The following KCND3 variants were observed in gnomAD, a reference collection of about 807,000 sequenced individuals.
KCND3 encodes the protein potassium voltage-gated channel subfamily D member 3.
Under a neutral mutation model 51.1 loss-of-function variants are expected in KCND3, and 9 were observed. The ratio of observed to expected loss-of-function variants is 0.18; its 90% CI spans 0.11 to 0.31. The LOEUF (loss-of-function observed/expected upper bound fraction) is 0.31, where lower values mean the gene tolerates loss of function less well. Among genes scored for constraint, KCND3 ranks in the 10% least tolerant of loss-of-function variants. The pLI is 1.00. For synonymous variants in KCND3, 349 were observed against 368.0 expected, an observed-to-expected ratio of 0.95 and a Z score of 0.59; for missense variants, 526 against 903.8, an observed-to-expected ratio of 0.58 and a Z score of 5.36.
chr1:111,827,519 G>A (rs1666631398), intron 2 of KCND3, among the ~76,000 whole-genome samples: 1 of 152,194 alleles, frequency 6.6e-6, no homozygotes, highest in Non-Finnish European at 1.5e-5. Context: ...ATTCCAATGA[G>A]GGCCAGGAGC....
chr1:111,856,462 A>T (rs1470183816), intron 2 of KCND3, among the ~76,000 whole-genome samples: 1 of 152,198 alleles, frequency 6.6e-6, no homozygotes, highest in Non-Finnish European at 1.5e-5. Context: ...TGCAATAAGC[A>T]CAACCTGAAT....
At chr1:111,894,939 G>A (rs1670025209) in intron 2 of KCND3, among the ~76,000 whole-genome samples, 1 of 151,778 alleles carries the variant, frequency 6.6e-6, no homozygotes, top group Non-Finnish European at 1.5e-5. Context: ...AGGGAGAAGA[G>A]GAGGAAGAAA....
At chr1:111,822,201 T>C (rs1369581001) in intron 2 of KCND3, among the ~76,000 whole-genome samples, 1 of 152,202 alleles carries the variant, frequency 6.6e-6, no homozygotes, top group African/African-American at 2.4e-5. Flanking sequence ...GTTTGTCGTG[T>C]AAGCAATTTT....
chr1:111,842,989 G>A (rs1667395101), intron 2 of KCND3, among the ~76,000 whole-genome samples: 1 of 152,224 alleles, frequency 6.6e-6, no homozygotes, highest in African/African-American at 2.4e-5. Flanking sequence ...TTACAGGCAT[G>A]AGTTCCACCC....
chr1:111,775,819 A>AACCCCCCCCGCCCCCCCCCCCCCC lies in KCND3; in HGVS notation c.*257_*258insGGGGGGGGGGGGGGCGGGGGGGGT. ...GCCTATATCCCCCGGCCTATCCCCG[A>AACCCCCCCCGCCCCCCCCCCCCCC]CCCCCCCACCCTCCCTCCCTTCCTC... On this transcript the variant is annotated 3_prime_UTR_variant, in exon 8 of 8. Transcript: ENST00000302127. 1.0e-5 allele frequency: 1 copy of AACCCCCCCCGCCCCCCCCCCCCCC among 97,706 alleles called. No individual in the cohort carries two copies. Among genetic ancestry groups the AACCCCCCCCGCCCCCCCCCCCCCC allele is most frequent in the Non-Finnish European group, 2.0e-5 (1 of 51,262 alleles). 6.1% of individuals were successfully genotyped at this position (97,706 alleles called of 1,614,324 possible). A position where few individuals can be genotyped will look rare whatever the true frequency, so the allele number is the denominator to read the frequency against.
intron 2 of KCND3, among the ~76,000 whole-genome samples, chr1:111,938,695 T>G (rs1012324517): frequency 6.6e-6 from 1 of 152,110 alleles, no homozygotes; most frequent in African/African-American, 2.4e-5. Context: ...GCAAAGGCCC[T>G]GAGGCAGGAA....
chr1:111,857,518 G>A (rs935441911), intron 2 of KCND3, among the ~76,000 whole-genome samples: 1 of 152,176 alleles, frequency 6.6e-6, no homozygotes. Flanking sequence ...CTTATGGGGG[G>A]TGTTGGCAAC....
intron 2 of KCND3, among the ~76,000 whole-genome samples, chr1:111,809,925 T>C (rs1166510866): frequency 6.6e-6 from 1 of 152,160 alleles, no homozygotes; most frequent in South Asian, 2.1e-4. Flanking sequence ...CATTCACTGA[T>C]TGGTATTTGG....
chr1:111,785,032 T>G (rs948621973), intron 3 of KCND3, among the ~76,000 whole-genome samples: 14 of 152,024 alleles, frequency 9.2e-5, no homozygotes, highest in Admixed American at 2.6e-4. Context: ...CTGGGCAACA[T>G]AGTGAGACCC....
chr1:111,836,253 A>G (rs1419612400), intron 2 of KCND3, among the ~76,000 whole-genome samples: 1 of 152,186 alleles, frequency 6.6e-6, no homozygotes, highest in African/African-American at 2.4e-5. Flanking sequence ...GGAACTGGGC[A>G]CTGCCAGTTT....
chr1:111,948,970 T>A (rs948081374), intron 2 of KCND3, among the ~76,000 whole-genome samples: 2 of 152,140 alleles, frequency 1.3e-5, no homozygotes, highest in Non-Finnish European at 2.9e-5. Flanking sequence ...TGGGGGCCAA[T>A]GCCATATTCC....
At chr1:111,806,789 A>G (rs1665591504) in intron 2 of KCND3, among the ~76,000 whole-genome samples, 2 of 152,214 alleles carry the variant, frequency 1.3e-5, no homozygotes, top group African/African-American at 2.4e-5. Flanking sequence ...AAAAAAGTTA[A>G]TCCAGAAGCA....
chr1:111,790,600 A>G (rs764185679), intron 2 of KCND3, among the ~76,000 whole-genome samples: 12 of 152,168 alleles, frequency 7.9e-5, no homozygotes, highest in Non-Finnish European at 1.3e-4. Flanking sequence ...ATAAAATCCA[A>G]CCATTTAAAT....
chr1:111,871,841 G>A (rs1220260783), intron 2 of KCND3, among the ~76,000 whole-genome samples: 1 of 152,166 alleles, frequency 6.6e-6, no homozygotes, highest in African/African-American at 2.4e-5. Context: ...GACAGCAGGA[G>A]GAGAGAGCAG....
chr1:111,888,197 G>A (rs1388648834), intron 2 of KCND3, among the ~76,000 whole-genome samples: 2 of 152,266 alleles, frequency 1.3e-5, no homozygotes, highest in Non-Finnish European at 2.9e-5. Context: ...GGGCAGCAGA[G>A]CATTGCCCTC....
At chr1:111,979,834 A>AATG (rs1389192481) in intron 2 of KCND3, among the ~76,000 whole-genome samples, 3 of 152,304 alleles carry the variant, frequency 2.0e-5, no homozygotes, top group South Asian at 4.1e-4. Context: ...AATAAAAAGT[A>AATG]ATGAGTAGGT....
At chr1:111,806,145 A>G (rs1040281630) in intron 2 of KCND3, among the ~76,000 whole-genome samples, 25 of 152,318 alleles carry the variant, frequency 1.6e-4, no homozygotes, top group African/African-American at 5.1e-4. Context: ...TGTGTGCTGC[A>G]GCTCCAGGGG....
chr1:111,838,710 A>C (rs1222901407), intron 2 of KCND3, among the ~76,000 whole-genome samples: 1 of 152,176 alleles, frequency 6.6e-6, no homozygotes, highest in Non-Finnish European at 1.5e-5. Flanking sequence ...CAACATCAAC[A>C]AAAGCACACA....
intron 2 of KCND3, among the ~76,000 whole-genome samples, chr1:111,916,307 G>A (rs1317762806): frequency 1.3e-5 from 2 of 151,962 alleles, no homozygotes; most frequent in African/African-American, 4.8e-5. Context: ...ATTAAATAAG[G>A]CACTTCTTAA....
Sources: gnomAD v4.1 joint callset for allele counts (sites outside exome capture counted in the v4.1 genomes callset) on GRCh38, gnomAD v4.1.1 for gene constraint, MANE v1.5 for transcripts, NCBI Gene and HGNC (gene_info 2026-07-23, HGNC 2026-07-21) for gene names.